Variants in HMCN1 observed in about 807,000 individuals in gnomAD.
HMCN1 encodes hemicentin-1.
HMCN1 carries 321 observed loss-of-function variants against 625.9 expected under a neutral mutation model. The ratio of observed to expected loss-of-function variants is 0.51; its 90% CI spans 0.47 to 0.56. HMCN1 has a LOEUF of 0.56. Ranked by LOEUF, HMCN1 falls within the 20% of genes least tolerant of loss-of-function variation. HMCN1 has a pLI of 0.00. For missense variants in HMCN1, 6,588 were observed against 6,887.3 expected (o/e 0.96, Z 1.54); for synonymous variants, 2,425 against 2,417.6 (o/e 1.00, Z -0.09).
At chr1:186,074,972 A>G (rs1658716299) in intron 53 of HMCN1, 81 bp downstream of exon 53, 2 of 1,222,432 alleles carry the variant, frequency 1.6e-6, no homozygotes, top group African/African-American at 3.1e-5. Flanking sequence ...CTTATTTTAA[A>G]CAGTGTTTTT....
At chr1:186,018,023 A>G (rs568228145) in intron 33 of HMCN1, among the ~76,000 whole-genome samples, 160 bp from the exon 34 acceptor site, 8 of 152,174 alleles carry the variant, frequency 5.3e-5, no homozygotes, top group Admixed American at 3.3e-4. Flanking sequence ...GCTCTGCGTT[A>G]GGCCGGGTTT....
chr1:185,894,259 T>C (rs74696396), intron 4 of HMCN1, among the ~76,000 whole-genome samples: 3,268 of 152,312 alleles, frequency 0.021, 63 homozygotes, highest in Non-Finnish European at 0.032. Flanking sequence ...TACACTTCAG[T>C]TGCTGGCTTC....
intron 9 of HMCN1, among the ~76,000 whole-genome samples, chr1:185,927,129 A>G (rs1223152553): frequency 6.6e-6 from 1 of 152,178 alleles, no homozygotes; most frequent in African/African-American, 2.4e-5. Flanking sequence ...AAGAATCGTC[A>G]GTTTCTGTTC....
Position 186,103,598 on chromosome 1 carries a change from G to T in HMCN1, c.10700G>T (p.Arg3567Leu). ...AAAATGACCTGGATGAAAGATGGCC[G>T]GCCCCTTCCACAGACGGATCAAGTG... ...APKMTWMKDG[R>L]PLPQTDQVQT... Residue 3567 changes from arginine (R) to leucine (L), a missense_variant, in exon 69 of 107, where the codon CGG becomes CTG. Physicochemically the swap from Arg to Leu is moderately radical, Grantham distance 102. Around this residue, in one of 3 missense-constraint regions of HMCN1, gnomAD observed 4,628 missense variants for 4,853.1 expected, o/e 0.95. Coordinates refer to ENST00000271588, the MANE Select transcript of HMCN1 (RefSeq NM_031935.3). 1.2e-6 allele frequency: 2 copies of T among 1,613,880 alleles called. No homozygotes were observed. Among genetic ancestry groups the T allele is most frequent in the Admixed American group, 1.7e-5 (1 of 59,984 alleles).
At chr1:185,776,187 A>T (rs1271466229) in intron 1 of HMCN1, among the ~76,000 whole-genome samples, 1 of 151,852 alleles carries the variant, frequency 6.6e-6, no homozygotes, top group Non-Finnish European at 1.5e-5. Flanking sequence ...TCATATTTGA[A>T]TTTTTTGTAA....
At chr1:186,132,578 A>G (rs1221116184) in intron 86 of HMCN1, among the ~76,000 whole-genome samples, 169 bp downstream of exon 86, 1 of 152,090 alleles carries the variant, frequency 6.6e-6, no homozygotes, top group Non-Finnish European at 1.5e-5. Context: ...CATAAATCTG[A>G]TAACACACAG....
At chr1:186,047,076 G>A (rs1240599604) in intron 41 of HMCN1, among the ~76,000 whole-genome samples, 1 of 152,120 alleles carries the variant, frequency 6.6e-6, no homozygotes, top group Non-Finnish European at 1.5e-5. Flanking sequence ...CGGGCAGTAA[G>A]CTGGGCAGCT....
chr1:185,783,528 G>C (rs1657309165), intron 1 of HMCN1, among the ~76,000 whole-genome samples: 1 of 152,092 alleles, frequency 6.6e-6, no homozygotes, highest in Non-Finnish European at 1.5e-5. Flanking sequence ...GTTTTGGTGT[G>C]GATGTCCTTT....
At chr1:185,793,528 A>G (rs1256406337) in intron 1 of HMCN1, among the ~76,000 whole-genome samples, 1 of 152,208 alleles carries the variant, frequency 6.6e-6, no homozygotes. Context: ...CCCTTTTGCC[A>G]TATAAAGTTA....
intron 15 of HMCN1, among the ~76,000 whole-genome samples, chr1:185,975,845 TCAATGTA>T (rs1338546405): frequency 1.3e-5 from 2 of 152,006 alleles, no homozygotes; most frequent in East Asian, 3.9e-4. Context: ...ACGTGAAAGT[TCAATGTA>T]CTGGGTGAAG....
At chr1:185,859,057 G>A (rs866266144) in intron 2 of HMCN1, among the ~76,000 whole-genome samples, 14 of 131,836 alleles carry the variant, frequency 1.1e-4, no homozygotes, top group Non-Finnish European at 2.0e-4. Context: ...GTGTGTGTGT[G>A]TGTGTATGTA....
intron 41 of HMCN1, 47 bp from the exon 42 acceptor site, chr1:186,048,696 C>A: frequency 8.9e-7 from 1 of 1,122,734 alleles, no homozygotes; most frequent in Non-Finnish European, 1.4e-6. Context: ...TTAAAAAACC[C>A]CAAGTGAAAT....
intron 93 of HMCN1, among the ~76,000 whole-genome samples, chr1:186,150,174 A>T (rs1650580394): frequency 6.6e-6 from 1 of 152,226 alleles, no homozygotes. Context: ...AAAGCAAAGT[A>T]TGATAAAACT....
intron 36 of HMCN1, among the ~76,000 whole-genome samples, chr1:186,026,149 A>G (rs1324683750): frequency 6.6e-6 from 1 of 152,214 alleles, no homozygotes; most frequent in Non-Finnish European, 1.5e-5. Flanking sequence ...TGTCCTCTTC[A>G]ATACTTGCAT....
At chr1:185,892,972 G>GC (rs1302602766) in intron 4 of HMCN1, among the ~76,000 whole-genome samples, 1 of 152,128 alleles carries the variant, frequency 6.6e-6, no homozygotes, top group Non-Finnish European at 1.5e-5. Context: ...GACTCCGTGG[G>GC]GTAGGACCCT....
rs1199647569 is a variant in HMCN1, at chr1:186,153,853, A to G, written c.15122A>G (p.His5041Arg). ...DGISIPYTWNHTVFYDQAQGR... is the reference protein window; with the variant it reads ...DGISIPYTWNRTVFYDQAQGR... ...ATCAGCATCCCATACACATGGAACC[A>G]CACCGTTTTCTATGATCAGGCACAG... The change falls in exon 97 of 107, where the codon CAC (histidine) becomes CGC (arginine). Residue 5041 changes from histidine to arginine, a missense_variant. By Grantham distance (29) the His-to-Arg change is conservative. Transcript: ENST00000271588. The G allele has an allele frequency of 6.2e-7, 1 of 1,614,176 alleles. No individual in the cohort carries two copies.
chr1:186,117,215 A>C (rs1661176006), intron 76 of HMCN1, 100 bp downstream of exon 76: 1 of 1,500,514 alleles, frequency 6.7e-7, no homozygotes, highest in Non-Finnish European at 9.1e-7. Context: ...TTTTTTAAAC[A>C]TTTATTTTAA....
chr1:185,968,317 T>C (rs1650567027), intron 14 of HMCN1, among the ~76,000 whole-genome samples: 1 of 152,072 alleles, frequency 6.6e-6, no homozygotes. Context: ...TTAGAGATTA[T>C]AGAGATTTGC....
chr1:185,938,819 A>T (rs1667944511), intron 11 of HMCN1, among the ~76,000 whole-genome samples: 1 of 152,102 alleles, frequency 6.6e-6, no homozygotes, highest in Non-Finnish European at 1.5e-5. Flanking sequence ...AAATTTTCCC[A>T]ATGAATTCCT....
Sources: gnomAD v4.1 joint callset for allele counts (sites outside exome capture counted in the v4.1 genomes callset) on GRCh38, gnomAD v4.1.1 for gene constraint, gnomAD v4.1.1 regional missense constraint, MANE v1.5 for transcripts, NCBI Gene and HGNC (gene_info 2026-07-23, HGNC 2026-07-21) for gene names.